The following LRRC7 variants were observed in gnomAD, a reference collection of about 807,000 sequenced individuals.
LRRC7 encodes the protein leucine-rich repeat-containing protein 7.
Under a neutral mutation model 175.7 loss-of-function variants are expected in LRRC7, and 23 were observed. That is an observed-to-expected ratio of 0.13 (90% CI 0.09 to 0.19). The LOEUF (loss-of-function observed/expected upper bound fraction) is 0.19, where lower values mean the gene tolerates loss of function less well. LRRC7 is among the 10% of genes least tolerant of loss of function. The pLI, the probability that LRRC7 is intolerant of heterozygous loss-of-function variation, is 1.00. For missense variants in LRRC7, 1,354 were observed against 1,904.7 expected (o/e 0.71, Z 5.38); for synonymous variants, 685 against 680.9 (o/e 1.01, Z -0.09).
chr1:70,107,776 C>T lies in LRRC7; in HGVS notation c.4570C>T (p.Pro1524Ser), dbSNP rs1265218681. The change falls in exon 26 of 27, where the codon CCT becomes TCT. Residue 1524 changes from proline (P) to serine (S), a missense_variant. Physicochemically the swap from Pro to Ser is moderately conservative, Grantham distance 74 (BLOSUM62 -1). Around this residue, in one of 4 missense-constraint regions of LRRC7, gnomAD observed 53 missense variants for 112.6 expected, o/e 0.47. Transcript: ENST00000651989. The part of the protein sequence containing the change: ...DKGIFVTRVQ[P>S]DGPASNLLQP... The stretch of plus-strand genomic sequence containing the variant: ...GGGTATCTTTGTTACTAGGGTTCAG[C>T]CTGATGGGCCAGCATCAAACCTACT... 2 of 1,613,192 alleles carry T rather than the reference C, an allele frequency of 1.2e-6. No homozygotes were observed. The highest frequency in any genetic ancestry group is 1.7e-5 in the Admixed American group (1 of 59,982).
chr1:69,732,225 TA>T (rs1320956728), intron 2 of LRRC7, among the ~76,000 whole-genome samples: 3 of 152,086 alleles, frequency 2.0e-5, no homozygotes, highest in Non-Finnish European at 2.9e-5. Flanking sequence ...AAAAGCTAAA[TA>T]TTTTTTTAAA....
intron 1 of LRRC7, among the ~76,000 whole-genome samples, chr1:69,602,026 T>C (rs1647094569): frequency 6.6e-6 from 1 of 152,178 alleles, no homozygotes; most frequent in South Asian, 2.1e-4. Flanking sequence ...CTTATATACC[T>C]GTCATTTAGT....
At chr1:69,904,607 A>T (rs1309505407) in intron 7 of LRRC7, among the ~76,000 whole-genome samples, 2 of 152,136 alleles carry the variant, frequency 1.3e-5, no homozygotes, top group Non-Finnish European at 2.9e-5. Context: ...ATATTGCTAT[A>T]TATTTTCTAT....
intron 2 of LRRC7, among the ~76,000 whole-genome samples, chr1:69,683,658 A>C (rs1660767307): frequency 6.9e-6 from 1 of 144,376 alleles, no homozygotes; most frequent in Non-Finnish European, 1.6e-5. Context: ...TGAAGAAACT[A>C]GAAGAAAAAT....
intron 2 of LRRC7, among the ~76,000 whole-genome samples, chr1:69,750,505 G>C (rs1038002951): frequency 6.6e-6 from 1 of 152,100 alleles, no homozygotes; most frequent in Non-Finnish European, 1.5e-5. Context: ...TTTGAACAAA[G>C]ATAAATGTAG....
intron 8 of LRRC7, among the ~76,000 whole-genome samples, chr1:69,947,024 G>C (rs1649394269): frequency 6.6e-6 from 1 of 152,002 alleles, no homozygotes; most frequent in South Asian, 2.1e-4. Context: ...GTTGCAGTGA[G>C]CTGAGATCGC....
intron 2 of LRRC7, among the ~76,000 whole-genome samples, chr1:69,684,788 A>G (rs1213441935): frequency 6.6e-6 from 1 of 152,196 alleles, no homozygotes; most frequent in Admixed American, 6.5e-5. Flanking sequence ...CCAGAGGACC[A>G]AGAGAGAGAA....
chr1:69,748,349 G>T (rs1426709400), intron 2 of LRRC7, among the ~76,000 whole-genome samples: 1 of 151,988 alleles, frequency 6.6e-6, no homozygotes, highest in African/African-American at 2.4e-5. Context: ...GTTGTGAAGG[G>T]CACCAAATTA....
intron 2 of LRRC7, among the ~76,000 whole-genome samples, chr1:69,688,129 A>G (rs965170717): frequency 1.3e-5 from 2 of 152,212 alleles, no homozygotes; most frequent in African/African-American, 4.8e-5. Context: ...TAAGAATTGT[A>G]TATTAAACAT....
At chr1:69,679,067 C>T (rs759168606) in intron 2 of LRRC7, among the ~76,000 whole-genome samples, 2 of 152,000 alleles carry the variant, frequency 1.3e-5, no homozygotes, top group Non-Finnish European at 2.9e-5. Context: ...TTATTAAATA[C>T]TAGAATATGC....
chr1:69,915,978 T>A (rs1440660327), intron 7 of LRRC7, among the ~76,000 whole-genome samples: 1 of 145,554 alleles, frequency 6.9e-6, no homozygotes, highest in Admixed American at 7.4e-5. Flanking sequence ...GGAACCAGGA[T>A]TCAGACCCAG....
rs1666611495 is a variant in LRRC7 at position 70,130,233 on chromosome 1, C to A, written c.*8346C>A. On this transcript the variant is annotated 3_prime_UTR_variant, in exon 27 of 27. Coordinates refer to ENST00000651989, the MANE Select transcript of LRRC7 (RefSeq NM_001370785.2). ...TCAGACAATACTTAACAAAGGACTT[C>A]TAGACAGAAGAGCCTCAGGAGAGGT... 1 of 152,152 alleles carries A rather than the reference C, an allele frequency of 6.6e-6. No individual in the cohort carries two copies. Among genetic ancestry groups the A allele is most frequent in the Non-Finnish European group, 1.5e-5 (1 of 68,032 alleles). 9.4% of individuals were successfully genotyped at this position (152,152 alleles called of 1,614,324 possible). A position where few individuals can be genotyped will look rare whatever the true frequency, so the allele number is the denominator to read the frequency against.
intron 1 of LRRC7, among the ~76,000 whole-genome samples, chr1:69,601,557 T>G (rs976419705): frequency 6.6e-6 from 1 of 152,234 alleles, no homozygotes; most frequent in African/African-American, 2.4e-5. Flanking sequence ...TACTTGTGCC[T>G]TTAGTGTTAT....
intron 10 of LRRC7, among the ~76,000 whole-genome samples, chr1:69,986,979 C>T (rs1570919178): frequency 6.6e-6 from 1 of 152,166 alleles, no homozygotes; most frequent in African/African-American, 2.4e-5. Context: ...CGCAGTGGCT[C>T]ACACCTGTTA....
chr1:69,784,384 T>TA (rs943629024), intron 3 of LRRC7, among the ~76,000 whole-genome samples: 5 of 152,120 alleles, frequency 3.3e-5, no homozygotes, highest in African/African-American at 1.2e-4. Flanking sequence ...TTATTATAGT[T>TA]AAAAAATACA....
chr1:69,576,283 C>T (rs1358013619), intron 1 of LRRC7, among the ~76,000 whole-genome samples: 2 of 150,932 alleles, frequency 1.3e-5, no homozygotes, highest in Non-Finnish European at 2.9e-5. Flanking sequence ...CTTCCTTCTT[C>T]TAAATATCTG....
chr1:69,876,605 C>T (rs1219036528), intron 7 of LRRC7, among the ~76,000 whole-genome samples: 1 of 152,166 alleles, frequency 6.6e-6, no homozygotes, highest in Non-Finnish European at 1.5e-5. Flanking sequence ...AGTAATTCTT[C>T]CAACCCTCAC....
Position 69,825,749 on chromosome 1 carries a change from T to C in LRRC7, c.423T>C (p.Gly141=), listed in dbSNP as rs776887970. ...TACTTTGTTTTTTTCACATTTTAGG[T>C]GTACAAGAATTTCCAGAAAACATAA... ...NLKELDISKN[G]VQEFPENIKC... is the part of the protein sequence containing the mutation. The change falls in exon 5 of 27, where the codon GGT becomes GGC. Residue 141 remains glycine (G), a splice_region_variant and synonymous_variant. Coordinates refer to ENST00000651989, the MANE Select transcript of LRRC7 (RefSeq NM_001370785.2). 2 of 1,594,502 alleles carry C rather than the reference T, an allele frequency of 1.3e-6. No homozygotes were observed. Among genetic ancestry groups the C allele is most frequent in the Admixed American group, 1.7e-5 (1 of 58,588 alleles).
In LRRC7 at chr1:70,126,905, C is replaced by T. The variant is rs1289994943; in HGVS notation, c.*5018C>T. ...GCTGCAGTTGCTGCTATAGATCCGTCCCTCCAACTCCCCATGTTTTTCCAA... is the reference window on the plus strand; with the variant it reads ...GCTGCAGTTGCTGCTATAGATCCGTTCCTCCAACTCCCCATGTTTTTCCAA... On this transcript the variant is annotated 3_prime_UTR_variant, in exon 27 of 27. Coordinates refer to ENST00000651989, the MANE Select transcript of LRRC7 (RefSeq NM_001370785.2). Among the ~76,000 whole-genome samples, 1 of 152,176 alleles carries T rather than the reference C, an allele frequency of 6.6e-6. No homozygotes were observed.
Sources: allele counts gnomAD v4.1 joint callset (sites outside exome capture counted in the v4.1 genomes callset), GRCh38; gene constraint gnomAD v4.1.1; regional missense constraint gnomAD v4.1.1; transcripts MANE v1.5; gene names NCBI Gene and HGNC (gene_info 2026-07-23, HGNC 2026-07-21).